The following CLIC5 variants were observed in gnomAD, a reference collection of about 807,000 sequenced individuals.
The protein encoded by CLIC5 is chloride intracellular channel protein 5.
A neutral mutation model predicts 24.7 loss-of-function variants in CLIC5; 20 were observed. That is an observed-to-expected ratio of 0.81 (90% CI 0.57 to 1.18). The LOEUF (loss-of-function observed/expected upper bound fraction) is 1.18, where lower values mean the gene tolerates loss of function less well. CLIC5 is among the 50% of genes most tolerant of loss of function. The pLI, the probability that CLIC5 is intolerant of heterozygous loss-of-function variation, is 0.00. For missense variants in CLIC5, 341 were observed against 326.1 expected, an observed-to-expected ratio of 1.05 and a Z score of -0.35; for synonymous variants, 159 against 135.6, an observed-to-expected ratio of 1.17 and a Z score of -1.20.
At position 45,908,934 on chromosome 6, in the gene CLIC5, G is replaced by C. The variant is rs1359823223; in HGVS notation, c.588+5294C>G. On this transcript the variant is annotated intron_variant, in intron 5 of 5. Transcript: ENST00000339561. ...TCTTTTCATAGGTCTAGAAGTACTT[G>C]TTTTGTGAACCTGGGTGCTCCAGTG... 2.6e-5 allele frequency among the ~76,000 whole-genome samples: 4 copies of C among 151,912 alleles called. No individual in the cohort carries two copies. In the South Asian group the frequency reaches 6.2e-4, roughly 24 times the overall value.
intron 1 of CLIC5, among the ~76,000 whole-genome samples, chr6:46,068,501 T>A (rs1326069707): frequency 6.6e-6 from 1 of 152,104 alleles, no homozygotes; most frequent in African/African-American, 2.4e-5. Flanking sequence ...TGGAGGCAGA[T>A]CTTCCTTCAG....
chr6:46,085,810 T>G, the CLIC5 span, among the ~76,000 whole-genome samples: 1 of 152,264 alleles, frequency 6.6e-6, no homozygotes, highest in Non-Finnish European at 1.5e-5. Flanking sequence ...CAGAGGTTAC[T>G]GCAGTCTTTT....
At chr6:46,088,089 G>A in the CLIC5 span, among the ~76,000 whole-genome samples, 67 of 150,614 alleles carry the variant, frequency 4.4e-4, no homozygotes, top group East Asian at 0.011. Flanking sequence ...CTTCTCCAAA[G>A]ACATCTGGGA....
At chr6:45,881,462 TC>T (rs1762262227) in intron 6 of CLIC5, among the ~76,000 whole-genome samples, 1 of 152,082 alleles carries the variant, frequency 6.6e-6, no homozygotes, top group Non-Finnish European at 1.5e-5. Context: ...CGGCAGATTC[TC>T]CCCGTTAGGT....
chr6:45,908,596 G>A (rs1427561716), intron 5 of CLIC5, among the ~76,000 whole-genome samples: 2 of 151,874 alleles, frequency 1.3e-5, no homozygotes, highest in Non-Finnish European at 2.9e-5. Flanking sequence ...ACATCTTCTT[G>A]GTGTTGATTT....
At position 46,030,419 on chromosome 6, in the gene CLIC5, G is replaced by A. The variant is rs187797265; in HGVS notation, c.540+49284C>T. Among the ~76,000 whole-genome samples the A allele has an allele frequency of 1.9e-4, 29 of 152,192 alleles. No homozygotes were observed. The East Asian group carries it at 5.2e-3, about 27-fold the overall frequency. On this transcript the variant is annotated intron_variant, in intron 1 of 5. Coordinates refer to the CLIC5 transcript ENST00000185206. ...GAATAAACATAGAACCTTCCTAACT[G>A]CTCTTTTGCTTTCTCTCTTTCTTGG...
chr6:45,972,541 T>C (rs1401540828), intron 1 of CLIC5, among the ~76,000 whole-genome samples: 1 of 152,220 alleles, frequency 6.6e-6, no homozygotes, highest in African/African-American at 2.4e-5. Flanking sequence ...GTTTTCTTGT[T>C]AGGAGGAAAT....
intron 1 of CLIC5, among the ~76,000 whole-genome samples, chr6:46,006,973 C>A (rs1419779379): frequency 2.0e-5 from 3 of 152,116 alleles, no homozygotes; most frequent in Non-Finnish European, 4.4e-5. Flanking sequence ...TGCCCAGCCC[C>A]AAAAGACATT....
At chr6:45,936,709 G>A (rs1420486990) in intron 4 of CLIC5, among the ~76,000 whole-genome samples, 1 of 152,120 alleles carries the variant, frequency 6.6e-6, no homozygotes, top group Non-Finnish European at 1.5e-5. Flanking sequence ...TGCAAGTTGA[G>A]CCATACACAG....
chr6:45,962,661 C>A (rs1764889969), intron 1 of CLIC5, among the ~76,000 whole-genome samples: 1 of 152,188 alleles, frequency 6.6e-6, no homozygotes, highest in Admixed American at 6.5e-5. Flanking sequence ...TGCACCTTAG[C>A]TCACCAGATG....
At chr6:45,959,761 T>C (rs1390044094) in intron 1 of CLIC5, among the ~76,000 whole-genome samples, 3 of 152,208 alleles carry the variant, frequency 2.0e-5, no homozygotes, top group Non-Finnish European at 4.4e-5. Context: ...ATACAAGTGC[T>C]TTTCCTTCCA....
rs370146149 is a variant in CLIC5, at chr6:45,901,079, T to G, written c.*2009A>C. The G allele has an allele frequency of 1.6e-4, 25 of 152,324 alleles. No homozygotes were observed. In the East Asian group the frequency reaches 4.2e-3, roughly 26 times the overall value. The allele number at this position is 152,324 out of a possible 1,614,324, so 9.4% of individuals were successfully genotyped here. On this transcript the variant is annotated 3_prime_UTR_variant, in exon 6 of 6. Coordinates refer to ENST00000339561, the MANE Select transcript of CLIC5 (RefSeq NM_016929.5). ...TGTGCTGTAAATTCGGGGAAGGATTTCTGAGTACAGCAGGATTTCACACTA... is the reference window on the plus strand; with the variant it reads ...TGTGCTGTAAATTCGGGGAAGGATTGCTGAGTACAGCAGGATTTCACACTA...
chr6:46,014,267 A>G (rs1157357869), intron 1 of CLIC5: 3 of 152,222 alleles, frequency 2.0e-5, no homozygotes, highest in Non-Finnish European at 2.9e-5. Context: ...AGAGTCAGAA[A>G]GTACCAAAGA....
At chr6:45,977,598 TC>T (rs1429145579) in intron 1 of CLIC5, among the ~76,000 whole-genome samples, 1 of 152,128 alleles carries the variant, frequency 6.6e-6, no homozygotes. Flanking sequence ...CCTTTCTTTT[TC>T]CAGGGTTATA....
chr6:45,887,779 C>T (rs945333528), intron 6 of CLIC5, among the ~76,000 whole-genome samples: 11 of 152,014 alleles, frequency 7.2e-5, no homozygotes, highest in African/African-American at 2.2e-4. Flanking sequence ...TAACATAACG[C>T]GTAATACACT....
intron 1 of CLIC5, among the ~76,000 whole-genome samples, chr6:46,013,683 C>A (rs1249749116): frequency 1.3e-5 from 2 of 152,168 alleles, no homozygotes; most frequent in Non-Finnish European, 2.9e-5. Context: ...ACACTGCCAA[C>A]AAGAAAATTC....
chr6:46,123,593 C>G, the CLIC5 span, among the ~76,000 whole-genome samples: 3 of 152,142 alleles, frequency 2.0e-5, no homozygotes, highest in African/African-American at 4.8e-5. Flanking sequence ...GGCAATCAGG[C>G]AGGAGAAAGA....
rs1318400393 is a variant in CLIC5, at chr6:45,978,577, C to T, written c.64-23333G>A. Reference sequence around the variant, plus strand: ...GTCCAGGGTGGGGCCCAAGAATTTGCATGTCTAACACTTTTACAAGTGATG... The same window carrying T: ...GTCCAGGGTGGGGCCCAAGAATTTGTATGTCTAACACTTTTACAAGTGATG... On this transcript the variant is annotated intron_variant, in intron 1 of 5. Coordinates refer to ENST00000339561, the MANE Select transcript of CLIC5 (RefSeq NM_016929.5). 3.3e-5 allele frequency among the ~76,000 whole-genome samples: 5 copies of T among 152,174 alleles called. 1 individual carries two copies. In the East Asian group the frequency reaches 9.6e-4, roughly 29 times the overall value.
At chr6:46,055,561 T>C (rs905402379) in intron 1 of CLIC5, among the ~76,000 whole-genome samples, 2 of 152,196 alleles carry the variant, frequency 1.3e-5, no homozygotes, top group Non-Finnish European at 2.9e-5. Flanking sequence ...TTTTGAAAAA[T>C]TTCACTTTTT....
Sources: gnomAD v4.1 joint callset for allele counts (sites outside exome capture counted in the v4.1 genomes callset) on GRCh38, gnomAD v4.1.1 for gene constraint, MANE v1.5 for transcripts, NCBI Gene and HGNC (gene_info 2026-07-23, HGNC 2026-07-21) for gene names.